Variants in A2ML1 observed in about 807,000 individuals in gnomAD.
A2ML1 encodes the protein alpha-2-macroglobulin like 1, also known as alpha-2-macroglobulin-like protein 1.
A neutral mutation model predicts 181.9 loss-of-function variants in A2ML1; 161 were observed. That is an observed-to-expected ratio of 0.89 (90% CI 0.78 to 1.01). A2ML1 has a LOEUF of 1.01. A2ML1 is among the 50% of genes least tolerant of loss of function. The pLI, the probability that A2ML1 is intolerant of heterozygous loss-of-function variation, is 0.00. For synonymous variants in A2ML1, 663 were observed against 666.8 expected (o/e 0.99, Z 0.09); for missense variants, 1,670 against 1,768.1 (o/e 0.94, Z 1.00).
intron 4 of A2ML1, among the ~76,000 whole-genome samples, chr12:8,832,983 T>TTTTTTC (rs1330272964): frequency 6.6e-6 from 1 of 150,708 alleles, no homozygotes; most frequent in Non-Finnish European, 1.5e-5. Context: ...ACTTTCCTTT[T>TTTTTTC]TTTTTTTTGA....
intron 18 of A2ML1, 126 bp downstream of exon 18, chr12:8,850,400 C>T: frequency 1.8e-6 from 1 of 543,584 alleles, no homozygotes; most frequent in Non-Finnish European, 3.1e-6. Context: ...GCCTGGGCAA[C>T]ATAATGAGCT....
At chr12:8,849,543 C>T (rs1027948789) in intron 16 of A2ML1, 126 bp from the exon 17 acceptor site, 2 of 779,342 alleles carry the variant, frequency 2.6e-6, no homozygotes, top group Non-Finnish European at 4.2e-6. Flanking sequence ...GGTAAGAACA[C>T]CCAGGTTCAC....
At chr12:8,831,216 T>C (rs1162172375) in intron 4 of A2ML1, among the ~76,000 whole-genome samples, 1 of 152,066 alleles carries the variant, frequency 6.6e-6, no homozygotes. Flanking sequence ...TCTCCCAAAG[T>C]GTTGGGATTA....
At chr12:8,857,631 T>C in intron 25 of A2ML1, 43 bp downstream of exon 25, 1 of 1,579,950 alleles carries the variant, frequency 6.3e-7, no homozygotes, top group Non-Finnish European at 8.6e-7. Flanking sequence ...CTCCAGAGCA[T>C]AATTCCTGAG....
intron 29 of A2ML1, 120 bp from the exon 30 acceptor site, chr12:8,867,722 C>T: frequency 1.2e-6 from 1 of 819,474 alleles, no homozygotes; most frequent in East Asian, 2.6e-5. Context: ...TCTCTAAATA[C>T]TTAAAGAAGT....
chr12:8,838,384 G>A lies in A2ML1; in HGVS notation c.904G>A (p.Asp302Asn), dbSNP rs765127537. The change falls in exon 9 of 36, where the codon GAC becomes AAC. Residue 302 changes from aspartate to asparagine, a missense_variant. Asp to Asn is a conservative substitution (Grantham distance 23). Transcript: ENST00000299698. ...AGCACCTGTGGACATGGCCACCTTT[G>A]ACCTCATTGGATATGCGTACAGCCA... ...FSAPVDMATF[D>N]LIGYAYSHQI... 1.9e-6 allele frequency: 3 copies of A among 1,613,830 alleles called. No individual in the cohort carries two copies. Among genetic ancestry groups the A allele is most frequent in the Non-Finnish European group, 2.5e-6 (3 of 1,179,872 alleles).
chr12:8,870,417 G>T lies in A2ML1; in HGVS notation c.4221+1214G>T, dbSNP rs759031509. On this transcript the variant is annotated intron_variant, in intron 33 of 35. Transcript: ENST00000299698. ...CGAGTAGCTGGGACCACATGCGCCC[G>T]CCACCATGCCCGGCTAATTTTTTGT... 6.6e-5 allele frequency among the ~76,000 whole-genome samples: 10 copies of T among 152,136 alleles called. No homozygotes were observed. In the South Asian group the frequency reaches 2.1e-3, roughly 32 times the overall value.
chr12:8,866,142 A>T (rs1398443993), intron 29 of A2ML1, among the ~76,000 whole-genome samples: 2 of 151,870 alleles, frequency 1.3e-5, no homozygotes, highest in Non-Finnish European at 2.9e-5. Flanking sequence ...CATCTCTACT[A>T]AAAATACAAA....
chr12:8,873,513 A>G (rs879432903), intron 33 of A2ML1, among the ~76,000 whole-genome samples: 2 of 152,216 alleles, frequency 1.3e-5, no homozygotes, highest in Non-Finnish European at 2.9e-5. Context: ...AATGAAAACA[A>G]TAGATATGAT....
At position 8,834,667 on chromosome 12, in the gene A2ML1, C is replaced by T. The variant is rs781343678; in HGVS notation, c.468C>T (p.Ser156=). ...SNFVPVNDKY[S]MVELQDPNSN... is the part of the protein sequence containing the mutation. ...TATCTGGTTTTCCTTTTCAGTACTC[C>T]ATGGTGGAACTACAGGTAAGCGGAA... The change falls in exon 5 of 36, where the codon TCC becomes TCT. Residue 156 remains serine, a synonymous_variant. Coordinates refer to ENST00000299698, the MANE Select transcript of A2ML1 (RefSeq NM_144670.6). The T allele has an allele frequency of 6.2e-7, 1 of 1,614,170 alleles. No homozygotes were observed. Among genetic ancestry groups the T allele is most frequent in the Non-Finnish European group, 8.5e-7 (1 of 1,180,026 alleles).
At chr12:8,859,690 G>A (rs1944190147) in intron 26 of A2ML1, among the ~76,000 whole-genome samples, 1 of 151,854 alleles carries the variant, frequency 6.6e-6, no homozygotes, top group Non-Finnish European at 1.5e-5. Context: ...TCAGCCTCCT[G>A]AGCAGCTGGG....
At position 8,856,898 on chromosome 12, in the gene A2ML1, CTT is replaced by C. The variant is rs71891886; in HGVS notation, c.2849-248_2849-247del. On this transcript the variant is annotated intron_variant, in intron 23 of 35. Transcript: ENST00000299698. Reference sequence around the variant, plus strand: ...GTCTTCCCAGGACACACAGTAGGTACTTTTTTTTTTTTTTTTTTTGTATTTTT... The same window carrying C: ...GTCTTCCCAGGACACACAGTAGGTACTTTTTTTTTTTTTTTTTGTATTTTT... Among the ~76,000 whole-genome samples the C allele has an allele frequency of 0.07, 8,722 of 124,852 alleles. 238 individuals carry two copies. Among genetic ancestry groups the C allele is most frequent in the Non-Finnish European group, 0.086 (5,326 of 61,650 alleles). 81.9% of individuals were successfully genotyped at this position (124,852 alleles called of 152,430 possible).
At chr12:8,851,269 A>T (rs60175291) in intron 18 of A2ML1, among the ~76,000 whole-genome samples, 19,351 of 152,094 alleles carry the variant, frequency 0.13, 1,447 homozygotes, top group Non-Finnish European at 0.17. Context: ...TTGCACAGAG[A>T]TGCCCACCCC....
Position 8,855,490 on chromosome 12 carries a change from T to G in A2ML1, c.2765-19T>G, listed in dbSNP as rs933647273. ...TTCCCCATCTTCTATTGTGTCACCT[T>G]TTTTTCTGCATCTCACAGGAAAGGT... is the stretch of plus-strand genomic sequence containing the variant. On this transcript the variant is annotated intron_variant, in intron 22 of 35. Coordinates refer to ENST00000299698, the MANE Select transcript of A2ML1 (RefSeq NM_144670.6). 6.2e-7 allele frequency: 1 copy of G among 1,613,706 alleles called. No individual in the cohort carries two copies. Among genetic ancestry groups the G allele is most frequent in the Non-Finnish European group, 8.5e-7 (1 of 1,179,708 alleles).
chr12:8,868,840 A>G (rs1944523528), intron 32 of A2ML1, among the ~76,000 whole-genome samples: 1 of 151,990 alleles, frequency 6.6e-6, no homozygotes, highest in African/African-American at 2.4e-5. Context: ...GTATGTGATT[A>G]TATATATGTG....
intron 21 of A2ML1, among the ~76,000 whole-genome samples, 179 bp from the exon 22 acceptor site, chr12:8,854,601 A>G (rs1268218667): frequency 1.3e-5 from 2 of 152,196 alleles, no homozygotes; most frequent in Non-Finnish European, 2.9e-5. Context: ...AGAACTTTAC[A>G]GAAAGGGCCC....
chr12:8,836,437 C>A, intron 7 of A2ML1, 98 bp downstream of exon 7: 15 of 865,572 alleles, frequency 1.7e-5, no homozygotes, highest in Non-Finnish European at 2.5e-5. Context: ...TGGGCCAAAA[C>A]TTGGGGCATT....
chr12:8,850,649 C>G (rs1943858521), intron 18 of A2ML1, among the ~76,000 whole-genome samples: 1 of 152,186 alleles, frequency 6.6e-6, no homozygotes, highest in Non-Finnish European at 1.5e-5. Context: ...CTGTAGAAAA[C>G]TCAGAATCAG....
At chr12:8,842,424 T>G (rs1265339000) in intron 11 of A2ML1, among the ~76,000 whole-genome samples, 1 of 152,036 alleles carries the variant, frequency 6.6e-6, no homozygotes, top group African/African-American at 2.4e-5. Context: ...TTTCACTGTG[T>G]TAGCCAGGAT....
Sources: allele counts gnomAD v4.1 joint callset (sites outside exome capture counted in the v4.1 genomes callset), GRCh38; gene constraint gnomAD v4.1.1; transcripts MANE v1.5; gene names NCBI Gene and HGNC (gene_info 2026-07-23, HGNC 2026-07-21).